Variants in GALNTL6 observed in about 807,000 individuals in gnomAD.
The protein encoded by GALNTL6 is polypeptide N-acetylgalactosaminyltransferase-like 6.
A neutral mutation model predicts 73.7 loss-of-function variants in GALNTL6; 46 were observed. The ratio of observed to expected loss-of-function variants is 0.62; its 90% CI spans 0.49 to 0.80. The LOEUF is 0.80. Among genes scored for constraint, GALNTL6 ranks in the 30% least tolerant of loss-of-function variants. GALNTL6 has a pLI of 0.00. For missense variants in GALNTL6, 604 were observed against 755.0 expected, an observed-to-expected ratio of 0.80 and a Z score of 2.34; for synonymous variants, 259 against 263.7, an observed-to-expected ratio of 0.98 and a Z score of 0.17.
At chr4:172,802,169 G>A (rs1224940927) in intron 5 of GALNTL6, among the ~76,000 whole-genome samples, 1 of 151,986 alleles carries the variant, frequency 6.6e-6, no homozygotes, top group South Asian at 2.1e-4. Context: ...TAAATCTGTA[G>A]TTATGTGGCA....
At chr4:172,655,674 A>C (rs1377221517) in intron 5 of GALNTL6, among the ~76,000 whole-genome samples, 1 of 152,160 alleles carries the variant, frequency 6.6e-6, no homozygotes, top group Non-Finnish European at 1.5e-5. Flanking sequence ...ATATATGTCA[A>C]ATTTTCTACA....
chr4:172,761,284 C>T (rs1738068446), intron 5 of GALNTL6, among the ~76,000 whole-genome samples: 1 of 152,144 alleles, frequency 6.6e-6, no homozygotes, highest in African/African-American at 2.4e-5. Flanking sequence ...ATGTATACTA[C>T]TGTGTGTGCT....
chr4:172,585,175 A>C (rs1248102236), intron 5 of GALNTL6, among the ~76,000 whole-genome samples: 1 of 152,174 alleles, frequency 6.6e-6, no homozygotes, highest in African/African-American at 2.4e-5. Flanking sequence ...GTTTTTAAAA[A>C]TAAATGTATT....
At chr4:171,816,168 C>T (rs1734519447) in intron 2 of GALNTL6, 1 of 152,006 alleles carries the variant, frequency 6.6e-6, no homozygotes, top group Non-Finnish European at 1.5e-5. Flanking sequence ...ATCTCCACTC[C>T]ATGCTGGTAA....
chr4:172,142,553 A>C (rs750045235), intron 2 of GALNTL6, among the ~76,000 whole-genome samples: 1 of 152,026 alleles, frequency 6.6e-6, no homozygotes, highest in Admixed American at 6.6e-5. Flanking sequence ...GTTCAATTGG[A>C]ATCTGAATTA....
At chr4:171,988,926 G>A (rs577182317) in intron 2 of GALNTL6, among the ~76,000 whole-genome samples, 4 of 151,706 alleles carry the variant, frequency 2.6e-5, no homozygotes, top group African/African-American at 9.7e-5. Context: ...TGAACTGGGG[G>A]AAAAGGTGGC....
chr4:172,534,774 G>C (rs1035601395), intron 5 of GALNTL6, among the ~76,000 whole-genome samples: 1 of 152,136 alleles, frequency 6.6e-6, no homozygotes, highest in South Asian at 2.1e-4. Flanking sequence ...CACCATGCTG[G>C]TCAGGCTGGT....
At chr4:172,780,773 G>C (rs190202807) in intron 5 of GALNTL6, among the ~76,000 whole-genome samples, 1 of 152,246 alleles carries the variant, frequency 6.6e-6, no homozygotes, top group African/African-American at 2.4e-5. Flanking sequence ...TTACTCAATT[G>C]AGTTTTGAAA....
chr4:172,778,050 G>C (rs1282347058), intron 5 of GALNTL6, among the ~76,000 whole-genome samples: 1 of 152,160 alleles, frequency 6.6e-6, no homozygotes, highest in Non-Finnish European at 1.5e-5. Context: ...TGTAGCAGAG[G>C]AGCTCACAAA....
At chr4:172,300,292 A>G (rs1383283514) in intron 3 of GALNTL6, among the ~76,000 whole-genome samples, 2 of 152,116 alleles carry the variant, frequency 1.3e-5, no homozygotes, top group African/African-American at 2.4e-5. Flanking sequence ...TTTCCTGAAT[A>G]CAGCACACTG....
chr4:172,841,544 G>A (rs1164914027), intron 7 of GALNTL6, among the ~76,000 whole-genome samples: 1 of 152,136 alleles, frequency 6.6e-6, no homozygotes, highest in East Asian at 1.9e-4. Context: ...AAGTTTAATT[G>A]ACTAACTGTT....
At chr4:172,014,081 A>C (rs913744323) in intron 2 of GALNTL6, among the ~76,000 whole-genome samples, 9 of 152,042 alleles carry the variant, frequency 5.9e-5, no homozygotes, top group African/African-American at 2.2e-4. Context: ...GTAGCACTCC[A>C]TTGTGCATAT....
intron 5 of GALNTL6, among the ~76,000 whole-genome samples, chr4:172,574,997 C>T (rs376769225): frequency 2.8e-4 from 42 of 151,884 alleles, no homozygotes; most frequent in Middle Eastern, 3.4e-3. Flanking sequence ...CTCCAATTAG[C>T]GGTACCCATA....
intron 5 of GALNTL6, among the ~76,000 whole-genome samples, chr4:172,710,753 C>T (rs1304555786): frequency 6.6e-6 from 1 of 151,802 alleles, no homozygotes; most frequent in Non-Finnish European, 1.5e-5. Flanking sequence ...ATTATTAAAT[C>T]GATAATTTTT....
At chr4:172,694,341 G>A (rs1006734499) in intron 5 of GALNTL6, among the ~76,000 whole-genome samples, 4 of 151,750 alleles carry the variant, frequency 2.6e-5, no homozygotes, top group Non-Finnish European at 5.9e-5. Flanking sequence ...TCCCCTCCCT[G>A]TGTCCATGTG....
intron 2 of GALNTL6, among the ~76,000 whole-genome samples, chr4:171,825,125 G>A (rs1734789248): frequency 6.6e-6 from 1 of 152,068 alleles, no homozygotes; most frequent in Non-Finnish European, 1.5e-5. Flanking sequence ...CAGTCTAGTT[G>A]CCAAAGACAA....
At chr4:172,305,345 T>A (rs2654771) in intron 3 of GALNTL6, among the ~76,000 whole-genome samples, 2 of 152,096 alleles carry the variant, frequency 1.3e-5, no homozygotes, top group Non-Finnish European at 2.9e-5. Context: ...AATACTTATA[T>A]ATTTAAATAT....
chr4:172,998,059 A>G (rs1022123358), intron 10 of GALNTL6, among the ~76,000 whole-genome samples: 2 of 152,206 alleles, frequency 1.3e-5, no homozygotes, highest in Non-Finnish European at 2.9e-5. Context: ...AGTAGTCCCA[A>G]CAAGTCCCAG....
intron 5 of GALNTL6, among the ~76,000 whole-genome samples, chr4:172,637,722 G>A (rs978190845): frequency 1.3e-5 from 2 of 152,048 alleles, no homozygotes; most frequent in African/African-American, 4.8e-5. Flanking sequence ...AAATCAAAAA[G>A]CAAATAACTT....
Sources: allele counts gnomAD v4.1 joint callset (sites outside exome capture counted in the v4.1 genomes callset), GRCh38; gene constraint gnomAD v4.1.1; transcripts MANE v1.5; gene names NCBI Gene and HGNC (gene_info 2026-07-23, HGNC 2026-07-21).